ANKRD30A: variants seen among roughly 807,000 people sequenced by gnomAD.
ANKRD30A encodes ankyrin repeat domain 30A.
In ANKRD30A, 170 loss-of-function variants were observed where a neutral mutation model predicts 166.3. That is an observed-to-expected ratio of 1.02 (90% CI 0.90 to 1.16). ANKRD30A has a LOEUF of 1.16. Among genes scored for constraint, ANKRD30A ranks in the 50% most tolerant of loss-of-function variants. The pLI is 0.00. For missense variants in ANKRD30A, 1,630 were observed against 1,518.0 expected (o/e 1.07, Z -1.23); for synonymous variants, 564 against 508.9 (o/e 1.11, Z -1.46).
intron 13 of ANKRD30A, among the ~76,000 whole-genome samples, chr10:37,156,904 C>G (rs1838424937): frequency 1.3e-5 from 2 of 152,086 alleles, no homozygotes; most frequent in Middle Eastern, 3.2e-3. Context: ...GCAATATGGT[C>G]ATGCATATTT....
chr10:37,190,116 G>T (rs1199509080), intron 25 of ANKRD30A, among the ~76,000 whole-genome samples: 1 of 151,894 alleles, frequency 6.6e-6, no homozygotes, highest in African/African-American at 2.4e-5. Flanking sequence ...GTGAGAATAA[G>T]CATATCTGCA....
At chr10:37,137,943 C>G (rs1836830336) in intron 6 of ANKRD30A, among the ~76,000 whole-genome samples, 1 of 152,226 alleles carries the variant, frequency 6.6e-6, no homozygotes, top group Non-Finnish European at 1.5e-5. Context: ...AAGTGGGTCC[C>G]AGACCCTCGA....
chr10:37,141,810 G>A lies in ANKRD30A; in HGVS notation c.913G>A (p.Glu305Lys), dbSNP rs771678462. The A allele has an allele frequency of 6.2e-7, 1 of 1,612,386 alleles. No individual in the cohort carries two copies. ...AESLVEKTPD[E>K]AAPLVERTPD... ...AAGCTTGGTGGAAAAAACACCTGAT[G>A]AGGCTGCACCCTTGGTGGAAAGAAC... Residue 305 changes from glutamate (E) to lysine (K), a missense_variant, in exon 7 of 36, where the codon GAG (glutamate) becomes AAG (lysine). Physicochemically the swap from Glu to Lys is moderately conservative, Grantham distance 56. Around this residue, in one of 4 missense-constraint regions of ANKRD30A, gnomAD observed 904 missense variants for 818.5 expected, o/e 1.10. Transcript: ENST00000361713.
At chr10:37,162,567 G>A in intron 15 of ANKRD30A, 82 bp from the exon 16 acceptor site, 1 of 1,566,302 alleles carries the variant, frequency 6.4e-7, no homozygotes, top group South Asian at 1.1e-5. Context: ...AGAGGAGTCA[G>A]TTAAATACTA....
the ANKRD30A span, among the ~76,000 whole-genome samples, chr10:37,238,339 T>TTTG: frequency 6.6e-6 from 1 of 152,140 alleles, no homozygotes; most frequent in Non-Finnish European, 1.5e-5. Flanking sequence ...TTTTTTAAAT[T>TTTG]TTGTTATTAT....
intron 1 of ANKRD30A, among the ~76,000 whole-genome samples, chr10:37,127,739 A>G (rs1163232556): frequency 6.6e-6 from 1 of 152,136 alleles, no homozygotes; most frequent in African/African-American, 2.4e-5. Context: ...TAAAAAAGGA[A>G]TCAAATACTG....
intron 27 of ANKRD30A, among the ~76,000 whole-genome samples, chr10:37,195,729 C>G (rs1236149941): frequency 1.3e-5 from 2 of 152,120 alleles, no homozygotes; most frequent in Non-Finnish European, 2.9e-5. Flanking sequence ...CCTGTCTCTA[C>G]TAAAAATACA....
intron 11 of ANKRD30A, among the ~76,000 whole-genome samples, chr10:37,150,539 A>C (rs1397583612): frequency 6.6e-6 from 1 of 152,082 alleles, no homozygotes; most frequent in East Asian, 1.9e-4. Context: ...ACATTTTACA[A>C]CATGTGTGCG....
chr10:37,259,325 G>A, the ANKRD30A span, among the ~76,000 whole-genome samples: 2 of 152,200 alleles, frequency 1.3e-5, no homozygotes, highest in South Asian at 4.1e-4. Context: ...GGGATACTAT[G>A]ACACACAGAC....
At chr10:37,211,894 G>A (rs937254677) in intron 31 of ANKRD30A, among the ~76,000 whole-genome samples, 1 of 151,996 alleles carries the variant, frequency 6.6e-6, no homozygotes, top group African/African-American at 2.4e-5. Flanking sequence ...GTGATGATGA[G>A]CATTTTTTCA....
chr10:37,232,788 T>C (rs989131134), downstream of ANKRD30A, among the ~76,000 whole-genome samples: 4 of 143,294 alleles, frequency 2.8e-5, no homozygotes, highest in African/African-American at 1.0e-4. Context: ...GGAGGCTGAG[T>C]AGGCAAAAGA....
chr10:37,171,877 A>G (rs1252112260), intron 21 of ANKRD30A, among the ~76,000 whole-genome samples: 2 of 145,670 alleles, frequency 1.4e-5, no homozygotes, highest in Non-Finnish European at 3.0e-5. Flanking sequence ...CTCATTTCTC[A>G]TATAAACTGT....
intron 15 of ANKRD30A, among the ~76,000 whole-genome samples, chr10:37,161,437 GT>G (rs999503557): frequency 1.5e-4 from 22 of 151,684 alleles, no homozygotes; most frequent in African/African-American, 3.4e-4. Flanking sequence ...AGAGTTAGAG[GT>G]TTTTTTTTAT....
intron 17 of ANKRD30A, among the ~76,000 whole-genome samples, chr10:37,163,103 G>A (rs1839062384): frequency 1.3e-5 from 2 of 150,938 alleles, no homozygotes; most frequent in African/African-American, 2.4e-5. Context: ...TTTCTATTTT[G>A]AACTTCTGTA....
chr10:37,250,220 T>C, the ANKRD30A span, among the ~76,000 whole-genome samples: 6 of 152,130 alleles, frequency 3.9e-5, no homozygotes, highest in East Asian at 1.9e-4. Flanking sequence ...GTAGAGCTTA[T>C]ATAATAAAAG....
chr10:37,208,250 C>T (rs148202552), intron 31 of ANKRD30A, among the ~76,000 whole-genome samples: 42 of 152,144 alleles, frequency 2.8e-4, no homozygotes, highest in African/African-American at 9.4e-4. Flanking sequence ...TGTCTGTGCC[C>T]CTCATTAGGG....
intron 29 of ANKRD30A, among the ~76,000 whole-genome samples, chr10:37,197,807 C>T (rs1456364398): frequency 6.6e-6 from 1 of 152,032 alleles, no homozygotes; most frequent in African/African-American, 2.4e-5. Context: ...TTCTTCGAAG[C>T]TTGATTCAAA....
At chr10:37,162,930 T>G in intron 17 of ANKRD30A, 82 bp downstream of exon 17, 2 of 1,514,334 alleles carry the variant, frequency 1.3e-6, no homozygotes, top group Non-Finnish European at 1.8e-6. Context: ...CAATGGTTTA[T>G]TTTTTTCAAC....
chr10:37,222,274 T>C (rs1436001507), intron 34 of ANKRD30A, among the ~76,000 whole-genome samples: 1 of 151,290 alleles, frequency 6.6e-6, no homozygotes, highest in Non-Finnish European at 1.5e-5. Flanking sequence ...TTTCTTCACC[T>C]TCCCCAGTCC....
Sources: allele counts gnomAD v4.1 joint callset (sites outside exome capture counted in the v4.1 genomes callset), GRCh38; gene constraint gnomAD v4.1.1; regional missense constraint gnomAD v4.1.1; transcripts MANE v1.5; gene names NCBI Gene and HGNC (gene_info 2026-07-23, HGNC 2026-07-21).